Variants in ASTN2 observed in about 807,000 individuals in gnomAD.
The protein encoded by ASTN2 is astrotactin 2, also known as astrotactin-2.
A neutral mutation model predicts 139.8 loss-of-function variants in ASTN2; 54 were observed. That is an observed-to-expected ratio of 0.39 (90% CI 0.31 to 0.48). The LOEUF (loss-of-function observed/expected upper bound fraction) is 0.48, where lower values mean the gene tolerates loss of function less well. Ranked by LOEUF, ASTN2 falls within the 20% of genes least tolerant of loss-of-function variation. The pLI, the probability that ASTN2 is intolerant of heterozygous loss-of-function variation, is 0.95. For synonymous variants in ASTN2, 756 were observed against 719.5 expected (o/e 1.05, Z -0.81); for missense variants, 1,565 against 1,725.1 (o/e 0.91, Z 1.64).
chr9:117,042,607 A>T (rs1427617209), intron 5 of ASTN2, among the ~76,000 whole-genome samples: 1 of 152,072 alleles, frequency 6.6e-6, no homozygotes, highest in Non-Finnish European at 1.5e-5. Context: ...CGAGTGCTGC[A>T]AGAAGCTGTT....
At chr9:117,180,527 G>A in intron 3 of ASTN2, 1 of 633,118 alleles carries the variant, frequency 1.6e-6, no homozygotes, top group East Asian at 2.7e-5. Context: ...TGTGATCCTG[G>A]AATATTTGTT....
chr9:116,751,663 G>C (rs1469402157), intron 13 of ASTN2, among the ~76,000 whole-genome samples: 1 of 152,056 alleles, frequency 6.6e-6, no homozygotes, highest in Non-Finnish European at 1.5e-5. Flanking sequence ...ATTATGACAA[G>C]CTTGTAGGAT....
At chr9:117,160,987 C>T (rs1334082) in intron 3 of ASTN2, among the ~76,000 whole-genome samples, 24,457 of 151,894 alleles carry the variant, frequency 0.16, 2,060 homozygotes, top group Non-Finnish European at 0.18. Flanking sequence ...GGTCCCTCAA[C>T]TTGAAATCAA....
At chr9:116,473,606 AC>A (rs1848885891) in intron 20 of ASTN2, among the ~76,000 whole-genome samples, 1 of 152,066 alleles carries the variant, frequency 6.6e-6, no homozygotes, top group Non-Finnish European at 1.5e-5. Flanking sequence ...GCAGATAAAG[AC>A]CTATTCAAGG....
chr9:117,106,677 T>C (rs533660511), intron 4 of ASTN2, among the ~76,000 whole-genome samples: 29 of 152,322 alleles, frequency 1.9e-4, no homozygotes, highest in African/African-American at 7.0e-4. Context: ...TTCTCTTACT[T>C]TGAGATTTTA....
At chr9:117,042,783 T>C (rs779156342) in intron 5 of ASTN2, among the ~76,000 whole-genome samples, 61 of 152,190 alleles carry the variant, frequency 4.0e-4, no homozygotes, top group Non-Finnish European at 6.6e-4. Context: ...AACGTCAACC[T>C]ATTACCCCAC....
chr9:116,723,741 C>T lies in ASTN2; in HGVS notation c.2806+2030G>A, dbSNP rs117129899. Reference sequence around the variant, plus strand: ...ATTTGATCTACCATCTAGGTGGTCACAGCAGGTGAAGATGGAGGGGAAGAA... The same window carrying T: ...ATTTGATCTACCATCTAGGTGGTCATAGCAGGTGAAGATGGAGGGGAAGAA... On this transcript the variant is annotated intron_variant, in intron 16 of 22. Transcript: ENST00000313400. Among the ~76,000 whole-genome samples the T allele has an allele frequency of 2.0e-3, 309 of 152,324 alleles. 12 individuals carry two copies. The East Asian group carries it at 0.057, about 28-fold the overall frequency.
intron 16 of ASTN2, among the ~76,000 whole-genome samples, chr9:116,669,236 A>C (rs1411317521): frequency 6.6e-6 from 1 of 152,012 alleles, no homozygotes; most frequent in East Asian, 1.9e-4. Flanking sequence ...TGCATAAATC[A>C]CCCCTTAATT....
intron 2 of ASTN2, among the ~76,000 whole-genome samples, chr9:117,230,309 A>G (rs2133055014): frequency 6.6e-6 from 1 of 152,242 alleles, no homozygotes; most frequent in South Asian, 2.1e-4. Flanking sequence ...AAGGCTCTAC[A>G]GGAGACTCCT....
chr9:117,301,127 T>C (rs1229400260), intron 1 of ASTN2, among the ~76,000 whole-genome samples: 1 of 152,194 alleles, frequency 6.6e-6, no homozygotes, highest in East Asian at 1.9e-4. Context: ...CTGGAATTGA[T>C]TCTCATTACT....
intron 10 of ASTN2, among the ~76,000 whole-genome samples, chr9:116,878,821 T>C (rs1833371864): frequency 6.6e-6 from 1 of 151,858 alleles, no homozygotes; most frequent in African/African-American, 2.4e-5. Context: ...ATGCTGAAGC[T>C]TGAGGATTAT....
chr9:117,017,307 C>A (rs1466202053), intron 6 of ASTN2, among the ~76,000 whole-genome samples: 2 of 151,552 alleles, frequency 1.3e-5, no homozygotes, highest in East Asian at 3.9e-4. Context: ...GGCATCAGAC[C>A]CAATTTTAGT....
chr9:116,448,075 G>T (rs570240964), intron 20 of ASTN2, among the ~76,000 whole-genome samples: 1 of 152,302 alleles, frequency 6.6e-6, no homozygotes, highest in African/African-American at 2.4e-5. Flanking sequence ...GAGTATAGGA[G>T]AATGCGTTTG....
intron 1 of ASTN2, among the ~76,000 whole-genome samples, chr9:117,331,332 C>G (rs1587954523): frequency 6.6e-6 from 1 of 152,108 alleles, no homozygotes; most frequent in Non-Finnish European, 1.5e-5. Context: ...AACCAATGCC[C>G]AGTGAGTCAC....
chr9:116,807,941 C>T (rs924698894), intron 12 of ASTN2, among the ~76,000 whole-genome samples: 5 of 132,832 alleles, frequency 3.8e-5, no homozygotes, highest in Non-Finnish European at 6.5e-5. Context: ...GAAATCCTGT[C>T]TCTACTAAAA....
intron 16 of ASTN2, among the ~76,000 whole-genome samples, chr9:116,716,800 G>A (rs551174800): frequency 6.6e-6 from 1 of 152,290 alleles, no homozygotes; most frequent in East Asian, 1.9e-4. Context: ...AGCAGATTAT[G>A]CTGGGAGATA....
At chr9:116,867,549 CAAAA>C (rs58222492) in intron 10 of ASTN2, among the ~76,000 whole-genome samples, 1,497 of 78,100 alleles carry the variant, frequency 0.019, 17 homozygotes, top group East Asian at 0.086. Context: ...GACTCTGTCT[CAAAA>C]AAAAAAAAAA....
At chr9:116,859,309 T>C (rs976806899) in intron 11 of ASTN2, among the ~76,000 whole-genome samples, 22 of 152,318 alleles carry the variant, frequency 1.4e-4, no homozygotes, top group Admixed American at 5.9e-4. Context: ...TTATTTTGCC[T>C]ACTACACATC....
At chr9:117,005,551 T>C (rs1051444422) in intron 7 of ASTN2, among the ~76,000 whole-genome samples, 2 of 152,160 alleles carry the variant, frequency 1.3e-5, no homozygotes, top group African/African-American at 2.4e-5. Context: ...GGTGGCTGCC[T>C]GGACAACAGA....
Sources: gnomAD v4.1 joint callset for allele counts (sites outside exome capture counted in the v4.1 genomes callset) on GRCh38, gnomAD v4.1.1 for gene constraint, MANE v1.5 for transcripts, NCBI Gene and HGNC (gene_info 2026-07-23, HGNC 2026-07-21) for gene names.